The following PCDH9 variants were observed in gnomAD, a reference collection of about 807,000 sequenced individuals.
PCDH9 encodes the protein protocadherin-9.
In PCDH9, 24 loss-of-function variants were observed where a neutral mutation model predicts 70.6. The ratio of observed to expected loss-of-function variants is 0.34; its 90% CI spans 0.25 to 0.48. The LOEUF is 0.48. Ranked by LOEUF, PCDH9 falls within the 20% of genes least tolerant of loss-of-function variation. The pLI is 0.99. For missense variants in PCDH9, 1,281 were observed against 1,503.6 expected (o/e 0.85, Z 2.45); for synonymous variants, 562 against 558.5 (o/e 1.01, Z -0.09).
Position 67,227,749 on chromosome 13 carries a change from T to G in PCDH9, c.692A>C (p.Gln231Pro). The G allele has an allele frequency of 6.2e-7, 1 of 1,613,836 alleles. No homozygotes were observed. The highest frequency in any genetic ancestry group is 8.5e-7 in the Non-Finnish European group (1 of 1,179,668). Residue 231 changes from glutamine (Q) to proline (P), a missense_variant, in exon 2 of 5, where the codon CAG becomes CCG. By Grantham distance (76) the Gln-to-Pro change is moderately conservative. Around this residue, in one of 4 missense-constraint regions of PCDH9, gnomAD observed 798 missense variants for 1,003.1 expected, o/e 0.80. Coordinates refer to ENST00000377865, the MANE Select transcript of PCDH9 (RefSeq NM_203487.3). This position sits in a 1 kb window ranked among gnomAD's most constrained non-coding sequence, Gnocchi z 4.6. ...CTGCAGTATGGCCGTACTGGATTTC[T>G]GTGGAGTGCCTCCATCCTCTACTTT... ...KIKVEDGGTP[Q>P]KSSTAILQVT... is the part of the protein sequence containing the mutation.
At chr13:67,064,891 AATAG>A (rs71110626) in intron 2 of PCDH9, among the ~76,000 whole-genome samples, 38,962 of 148,654 alleles carry the variant, frequency 0.26, 5,134 homozygotes, top group Admixed American at 0.32. Context: ...CCTGTGTGGA[AATAG>A]ATAGATAGAT....
At chr13:67,197,196 G>T (rs1183583359) in intron 2 of PCDH9, among the ~76,000 whole-genome samples, 1 of 151,878 alleles carries the variant, frequency 6.6e-6, no homozygotes, top group African/African-American at 2.4e-5. Context: ...CTGCATATTT[G>T]CACGTCTGGT....
At chr13:67,077,083 G>A (rs2085892196) in intron 2 of PCDH9, among the ~76,000 whole-genome samples, 1 of 152,168 alleles carries the variant, frequency 6.6e-6, no homozygotes, top group Non-Finnish European at 1.5e-5. Context: ...TAAGCAGAGT[G>A]AAGACTGAGG....
chr13:66,944,659 T>C (rs568614951), intron 2 of PCDH9, among the ~76,000 whole-genome samples: 3 of 152,298 alleles, frequency 2.0e-5, no homozygotes, highest in East Asian at 1.9e-4. Context: ...TGCTTACTTC[T>C]TCATGCTCTA....
At chr13:66,737,117 T>C (rs973705966) in intron 3 of PCDH9, among the ~76,000 whole-genome samples, 1 of 152,320 alleles carries the variant, frequency 6.6e-6, no homozygotes, top group Non-Finnish European at 1.5e-5. Flanking sequence ...AGTGAGAAGA[T>C]GTAATAATTT....
rs1158943195 is a variant in PCDH9 at position 67,043,723 on chromosome 13, T to C, written c.3037-140118A>G. 2.6e-5 allele frequency among the ~76,000 whole-genome samples: 4 copies of C among 152,262 alleles called. No homozygotes were observed. The South Asian group carries it at 8.3e-4, about 32-fold the overall frequency. On this transcript the variant is annotated intron_variant, in intron 2 of 4. Coordinates refer to ENST00000377865, the MANE Select transcript of PCDH9 (RefSeq NM_203487.3). ...TAGAGCAAATTAGGGTTGGATTATC[T>C]GGTGGTTTAAAATGGCCAGCCGAGC... is the stretch of plus-strand genomic sequence containing the variant.
intron 3 of PCDH9, among the ~76,000 whole-genome samples, chr13:66,688,176 C>T (rs1462159823): frequency 3.0e-4 from 45 of 152,094 alleles, no homozygotes; most frequent in Admixed American, 2.9e-3. Context: ...ACTATTTGTG[C>T]ACTCCCTTTA....
At chr13:67,043,653 A>G (rs1289148038) in intron 2 of PCDH9, among the ~76,000 whole-genome samples, 2 of 152,176 alleles carry the variant, frequency 1.3e-5, no homozygotes, top group African/African-American at 4.8e-5. Flanking sequence ...TAAATGGCTT[A>G]AAGTGTATGG....
At chr13:66,941,578 C>A (rs569911407) in intron 2 of PCDH9, among the ~76,000 whole-genome samples, 1 of 151,838 alleles carries the variant, frequency 6.6e-6, no homozygotes, top group Non-Finnish European at 1.5e-5. Flanking sequence ...TACACTAGCA[C>A]CATTCAAAAG....
At chr13:66,986,191 T>C (rs1046804590) in intron 2 of PCDH9, among the ~76,000 whole-genome samples, 1 of 151,952 alleles carries the variant, frequency 6.6e-6, no homozygotes, top group African/African-American at 2.4e-5. Context: ...AAAAGACCCT[T>C]ATAAAACCAT....
chr13:67,069,250 T>C (rs2085711117), intron 2 of PCDH9, among the ~76,000 whole-genome samples: 1 of 152,134 alleles, frequency 6.6e-6, no homozygotes, highest in East Asian at 1.9e-4. Context: ...AGAATTGTCA[T>C]TAAGGAAAAG....
chr13:67,049,859 T>C (rs866758836), intron 2 of PCDH9, among the ~76,000 whole-genome samples: 1 of 152,224 alleles, frequency 6.6e-6, no homozygotes. Flanking sequence ...TCTGCAGAAC[T>C]GCATGCAGCC....
intron 3 of PCDH9, among the ~76,000 whole-genome samples, chr13:66,818,688 T>C (rs1166498700): frequency 6.6e-6 from 1 of 152,050 alleles, no homozygotes; most frequent in Non-Finnish European, 1.5e-5. Flanking sequence ...GTCCCAGCAC[T>C]TTGGGAGGCC....
intron 3 of PCDH9, among the ~76,000 whole-genome samples, chr13:66,757,588 A>G (rs1042144890): frequency 1.3e-5 from 2 of 152,148 alleles, no homozygotes; most frequent in African/African-American, 2.4e-5. Flanking sequence ...TCTACTTTTC[A>G]GAATGTAGGA....
At chr13:66,408,454 G>C (rs1957319966) in intron 4 of PCDH9, among the ~76,000 whole-genome samples, 2 of 152,186 alleles carry the variant, frequency 1.3e-5, no homozygotes, top group South Asian at 4.1e-4. Flanking sequence ...TCATAAACAG[G>C]AGCTAAGTAA....
Position 66,968,220 on chromosome 13 carries a change from C to T in PCDH9, c.3037-64615G>A, listed in dbSNP as rs538229119. Reference sequence around the variant, plus strand: ...TTCCCAACCAACTATCCTTACATGGCTTTATTTCCAGATGCTTCTTTGTCA... The same window carrying T: ...TTCCCAACCAACTATCCTTACATGGTTTTATTTCCAGATGCTTCTTTGTCA... On this transcript the variant is annotated intron_variant, in intron 2 of 4. Coordinates refer to ENST00000377865, the MANE Select transcript of PCDH9 (RefSeq NM_203487.3). Among the ~76,000 whole-genome samples, 4 of 152,154 alleles carry T rather than the reference C, an allele frequency of 2.6e-5. No individual in the cohort carries two copies. In the South Asian group the frequency reaches 8.3e-4, roughly 32 times the overall value.
intron 3 of PCDH9, among the ~76,000 whole-genome samples, chr13:66,862,111 T>A (rs562517807): frequency 5.3e-5 from 8 of 152,218 alleles, no homozygotes; most frequent in Non-Finnish European, 1.2e-4. Flanking sequence ...TAAACAGTAT[T>A]AGCAGCATGG....
intron 4 of PCDH9, among the ~76,000 whole-genome samples, chr13:66,626,798 T>C (rs1238325065): frequency 6.6e-6 from 1 of 152,190 alleles, no homozygotes; most frequent in African/African-American, 2.4e-5. Context: ...AAACAATTTG[T>C]TTTTGGCATT....
intron 3 of PCDH9, among the ~76,000 whole-genome samples, chr13:66,899,642 T>C (rs2082244995): frequency 6.6e-6 from 1 of 151,990 alleles, no homozygotes; most frequent in Non-Finnish European, 1.5e-5. Flanking sequence ...GCTTGCATTA[T>C]ATACTGTTTC....
Sources: gnomAD v4.1 joint callset for allele counts (sites outside exome capture counted in the v4.1 genomes callset) on GRCh38, gnomAD v4.1.1 for gene constraint, gnomAD v4.1.1 regional missense constraint, Gnocchi (gnomAD v3.1) non-coding constraint, MANE v1.5 for transcripts, NCBI Gene and HGNC (gene_info 2026-07-23, HGNC 2026-07-21) for gene names.